Variants in BBX observed in about 807,000 individuals in gnomAD.
The protein encoded by BBX is BBX high mobility group box domain containing, also known as HMG box transcription factor BBX.
In BBX, 30 loss-of-function variants were observed where a neutral mutation model predicts 100.2. That is an observed-to-expected ratio of 0.30 (90% confidence interval 0.22 to 0.41). The LOEUF (loss-of-function observed/expected upper bound fraction) is 0.41. Among genes scored for constraint, BBX ranks in the 10% least tolerant of loss-of-function variants. BBX has a pLI of 1.00. For missense variants in BBX, 1,023 were observed against 1,129.8 expected (o/e 0.91, Z 1.35); for synonymous variants, 376 against 388.1 (o/e 0.97, Z 0.37).
chr3:107,670,538 T>G (rs1397128435), intron 3 of BBX, among the ~76,000 whole-genome samples: 1 of 152,034 alleles, frequency 6.6e-6, no homozygotes, highest in African/African-American at 2.4e-5. Context: ...CATAAATATG[T>G]ATAGCTGTTA....
chr3:107,648,071 T>G (rs976384139), intron 3 of BBX, among the ~76,000 whole-genome samples: 4 of 152,162 alleles, frequency 2.6e-5, no homozygotes, highest in Non-Finnish European at 5.9e-5. Context: ...CAGTACATAT[T>G]TTAACTATTA....
intron 2 of BBX, among the ~76,000 whole-genome samples, chr3:107,609,380 C>T (rs1481262506): frequency 6.6e-6 from 1 of 152,074 alleles, no homozygotes; most frequent in Non-Finnish European, 1.5e-5. Flanking sequence ...GTTTTGGTAT[C>T]AGGGTAATAC....
chr3:107,548,962 T>C (rs906364505), intron 2 of BBX, among the ~76,000 whole-genome samples: 4 of 151,860 alleles, frequency 2.6e-5, no homozygotes, highest in Non-Finnish European at 2.9e-5. Context: ...GACATAAAGA[T>C]GGGAACAACA....
chr3:107,533,368 A>G (rs2107318131), intron 2 of BBX, among the ~76,000 whole-genome samples: 1 of 152,348 alleles, frequency 6.6e-6, no homozygotes, highest in African/African-American at 2.4e-5. Context: ...TCATTGAACA[A>G]TTTAAGTTCC....
In BBX at chr3:107,751,089, A is replaced by T. The variant is rs2065041495; in HGVS notation, c.825+3050A>T. Among the ~76,000 whole-genome samples the T allele has an allele frequency of 6.7e-5, 4 of 59,804 alleles. No homozygotes were observed. In the South Asian group the frequency reaches 2.9e-3, roughly 44 times the overall value. The allele number at this position is 59,804 out of a possible 152,430, so 39.2% of individuals were successfully genotyped here. ...ACTGCTCTATAGTTATGTGTTTTTT[A>T]AAAAACACCAAATTATTAAATCATT... On this transcript the variant is annotated intron_variant, in intron 9 of 17. Coordinates refer to ENST00000325805, the MANE Select transcript of BBX (RefSeq NM_001142568.3).
chr3:107,617,132 TTG>T, intron 2 of BBX, among the ~76,000 whole-genome samples: 1 of 152,186 alleles, frequency 6.6e-6, no homozygotes, highest in Non-Finnish European at 1.5e-5. Flanking sequence ...GTAGCACAGT[TTG>T]TGTGAAAAGG....
At chr3:107,601,466 G>A (rs568120870) in intron 2 of BBX, among the ~76,000 whole-genome samples, 2 of 152,332 alleles carry the variant, frequency 1.3e-5, no homozygotes, top group South Asian at 2.1e-4. Context: ...TACTACTTCA[G>A]TGAACACACA....
At chr3:107,759,109 G>C (rs1366910898) in intron 10 of BBX, among the ~76,000 whole-genome samples, 4 of 152,230 alleles carry the variant, frequency 2.6e-5, no homozygotes, top group Non-Finnish European at 5.9e-5. Context: ...AGCAGGCACA[G>C]AGATACTTGG....
chr3:107,553,233 A>G (rs2049838403), intron 2 of BBX, among the ~76,000 whole-genome samples: 1 of 152,254 alleles, frequency 6.6e-6, no homozygotes, highest in South Asian at 2.1e-4. Flanking sequence ...AACATTATGT[A>G]TCAGACAATG....
At chr3:107,614,668 C>G (rs1559875678) in intron 2 of BBX, among the ~76,000 whole-genome samples, 4 of 152,100 alleles carry the variant, frequency 2.6e-5, no homozygotes, top group Non-Finnish European at 5.9e-5. Context: ...ACTTCTGATA[C>G]TTAATACAAT....
rs184374243 is a variant in BBX, at chr3:107,604,250, G to A, written c.-83-41586G>A. Among the ~76,000 whole-genome samples the A allele has an allele frequency of 9.9e-5, 15 of 152,216 alleles. No individual in the cohort carries two copies. In the East Asian group the frequency reaches 1.9e-3, roughly 20 times the overall value. On this transcript the variant is annotated intron_variant, in intron 2 of 17. Transcript: ENST00000325805. Reference sequence around the variant, plus strand: ...TCCTAGTGCTATAGCAGCCTGTTCCGTTTTGGGTACTGTTTGTATCTGCTT... The same window carrying A: ...TCCTAGTGCTATAGCAGCCTGTTCCATTTTGGGTACTGTTTGTATCTGCTT...
chr3:107,556,004 T>C (rs753414343), intron 2 of BBX, among the ~76,000 whole-genome samples: 1 of 152,212 alleles, frequency 6.6e-6, no homozygotes, highest in Non-Finnish European at 1.5e-5. Flanking sequence ...AGTAGGAGGC[T>C]TTGAAGTTTA....
intron 3 of BBX, among the ~76,000 whole-genome samples, chr3:107,697,181 G>A (rs2060674923): frequency 6.6e-6 from 1 of 151,814 alleles, no homozygotes; most frequent in South Asian, 2.1e-4. Flanking sequence ...ATCGTCTGAA[G>A]CCTTCTTCTC....
At chr3:107,553,944 G>A (rs1010344541) in intron 2 of BBX, among the ~76,000 whole-genome samples, 1 of 150,518 alleles carries the variant, frequency 6.6e-6, no homozygotes, top group Non-Finnish European at 1.5e-5. Context: ...TTTGTTATGT[G>A]TTTTTTTTTC....
At chr3:107,525,860 G>C (rs1056218853) in intron 1 of BBX, among the ~76,000 whole-genome samples, 7 of 152,188 alleles carry the variant, frequency 4.6e-5, no homozygotes, top group East Asian at 1.9e-4. Flanking sequence ...TGAGGGCTTC[G>C]ATACCTGGAC....
intron 10 of BBX, among the ~76,000 whole-genome samples, chr3:107,761,347 T>C (rs1172043475): frequency 6.6e-6 from 1 of 152,134 alleles, no homozygotes; most frequent in Non-Finnish European, 1.5e-5. Flanking sequence ...TGAGGAGCCA[T>C]TGAAGATTTG....
chr3:107,668,614 G>A (rs951662218), intron 3 of BBX, among the ~76,000 whole-genome samples: 17 of 152,188 alleles, frequency 1.1e-4, no homozygotes, highest in African/African-American at 3.4e-4. Flanking sequence ...ATAGAGCTCT[G>A]TGCCAAGGCA....
chr3:107,617,685 T>C (rs2055398991), intron 2 of BBX, among the ~76,000 whole-genome samples: 1 of 152,162 alleles, frequency 6.6e-6, no homozygotes. Flanking sequence ...AATTTTGATG[T>C]CCACATGTTC....
At chr3:107,729,423 T>C (rs1274428158) in intron 6 of BBX, among the ~76,000 whole-genome samples, 3 of 152,168 alleles carry the variant, frequency 2.0e-5, no homozygotes, top group East Asian at 1.9e-4. Context: ...TTGGACCTGA[T>C]AGCTGTGTCT....
Sources: allele counts gnomAD v4.1 joint callset (sites outside exome capture counted in the v4.1 genomes callset), GRCh38; gene constraint gnomAD v4.1.1; transcripts MANE v1.5; gene names NCBI Gene and HGNC (gene_info 2026-07-23, HGNC 2026-07-21).